RAD52: variants seen among roughly 807,000 people sequenced by gnomAD.
RAD52 encodes the protein RAD52 DNA repair protein.
A neutral mutation model predicts 55.5 loss-of-function variants in RAD52; 47 were observed. The observed-to-expected ratio is 0.85, with a 90% CI of 0.67 to 1.08. The LOEUF (loss-of-function observed/expected upper bound fraction) is 1.08. RAD52 is among the 50% of genes least tolerant of loss of function. The probability of loss-of-function intolerance (pLI) is 0.00; values close to 1 mark genes in which losing one functional copy is unlikely to be tolerated. For synonymous variants in RAD52, 184 were observed against 198.9 expected, an observed-to-expected ratio of 0.92 and a Z score of 0.63; for missense variants, 468 against 522.8, an observed-to-expected ratio of 0.90 and a Z score of 1.02.
intron 3 of RAD52, among the ~76,000 whole-genome samples, chr12:930,361 A>G (rs1346459698): frequency 6.6e-6 from 1 of 152,040 alleles, no homozygotes; most frequent in Non-Finnish European, 1.5e-5. Flanking sequence ...CCTAAGTGAC[A>G]GAGTGAGAAC....
At position 914,489 on chromosome 12, in the gene RAD52, A is replaced by G. The variant is rs2154107690; in HGVS notation, c.909T>C (p.Thr303=). ...CTTTCTCCAGGAGTGGTTCTGAGACAGTTACAGGAGTGCTGTGCGTCACAG... is the reference window on the plus strand; with the variant it reads ...CTTTCTCCAGGAGTGGTTCTGAGACGGTTACAGGAGTGCTGTGCGTCACAG... The part of the protein sequence containing the change: ...APPVTHSTPV[T]VSEPLLEKDF... The change falls in exon 10 of 12, where the codon ACT becomes ACC. Residue 303 remains threonine (T), a synonymous_variant. Transcript: ENST00000358495. The G allele has an allele frequency of 6.2e-7, 1 of 1,613,604 alleles. No individual in the cohort carries two copies. The highest frequency in any genetic ancestry group is 8.5e-7 in the Non-Finnish European group (1 of 1,179,776).
intron 1 of RAD52, among the ~76,000 whole-genome samples, chr12:969,701 G>A (rs937367124): frequency 2.0e-5 from 3 of 151,722 alleles, no homozygotes; most frequent in Admixed American, 6.6e-5. Context: ...TGAGGTGGGA[G>A]GATATCTTGA....
chr12:916,345 C>CT lies in RAD52; in HGVS notation c.863dup (p.Ala289GlyfsTer38). 1 of 1,605,542 alleles carries CT rather than the reference C, an allele frequency of 6.2e-7. No individual in the cohort carries two copies. Among genetic ancestry groups the CT allele is most frequent in the Non-Finnish European group, 8.5e-7 (1 of 1,179,924 alleles). ...GCCCTGCTCCCACCCCTCGCTCACC[C>CT]TCACTCTTCTCAGCTGACGGCGTGG... On this transcript the variant is annotated frameshift_variant and splice_region_variant, in exon 9 of 12. Transcript: ENST00000358495. LOFTEE classifies it high-confidence loss of function.
intron 1 of RAD52, among the ~76,000 whole-genome samples, chr12:945,579 A>G (rs570575227): frequency 3.3e-5 from 5 of 151,078 alleles, no homozygotes; most frequent in African/African-American, 7.3e-5. Flanking sequence ...AACTACAGGC[A>G]TGCGCGACCA....
chr12:962,710 C>T (rs1259493240), intron 1 of RAD52, among the ~76,000 whole-genome samples: 7 of 150,902 alleles, frequency 4.6e-5, no homozygotes, highest in African/African-American at 1.7e-4. Context: ...ATTTATTTAT[C>T]TATCTATTTA....
chr12:930,919 A>ATGAC (rs1957292104), intron 3 of RAD52, among the ~76,000 whole-genome samples: 2 of 152,060 alleles, frequency 1.3e-5, no homozygotes, highest in African/African-American at 4.8e-5. Context: ...GTGAGCTGAG[A>ATGAC]TGACACCACT....
chr12:961,309 CAAAA>C (rs60547688), intron 1 of RAD52, among the ~76,000 whole-genome samples: 521 of 33,816 alleles, frequency 0.015, 3 homozygotes, highest in African/African-American at 0.048. Context: ...GACTCCATCT[CAAAA>C]AAAAAAAAAA....
chr12:914,779 A>G (rs1437435187), intron 9 of RAD52, among the ~76,000 whole-genome samples: 3 of 152,198 alleles, frequency 2.0e-5, no homozygotes, highest in African/African-American at 7.2e-5. Flanking sequence ...CTTTCACAGC[A>G]AAAGTAAAAG....
chr12:985,670 T>A (rs1959076170), intron 1 of RAD52, among the ~76,000 whole-genome samples: 1 of 152,190 alleles, frequency 6.6e-6, no homozygotes. Context: ...ACCACTTTTT[T>A]TAAAAAACAT....
intron 7 of RAD52, among the ~76,000 whole-genome samples, chr12:924,172 G>A (rs1956896550): frequency 6.6e-6 from 1 of 152,162 alleles, no homozygotes. Context: ...CACTTTGGGA[G>A]GCCGAGGCAG....
intron 1 of RAD52, chr12:975,504 A>C (rs1405193484): frequency 7.9e-5 from 12 of 152,354 alleles, no homozygotes; most frequent in African/African-American, 2.6e-4. Flanking sequence ...TTATGCAAAT[A>C]AAACAGGTAA....
chr12:961,371 G>T (rs1236542571), intron 1 of RAD52, among the ~76,000 whole-genome samples: 2 of 145,312 alleles, frequency 1.4e-5, no homozygotes, highest in Non-Finnish European at 3.0e-5. Context: ...GAAGTTACTT[G>T]TTATGGGCTG....
rs867603832 is a variant in RAD52, at chr12:980,596, T to C, written c.-19+9213A>G. Reference sequence around the variant, plus strand: ...GGCATGAGCCACTGCACCCAGCCTCTTTCTTTCTTTTTTTTTTTTTTCTGA... The same window carrying C: ...GGCATGAGCCACTGCACCCAGCCTCCTTCTTTCTTTTTTTTTTTTTTCTGA... On this transcript the variant is annotated intron_variant, in intron 1 of 11. Coordinates refer to the RAD52 transcript ENST00000430095. 4.9e-4 allele frequency among the ~76,000 whole-genome samples: 28 copies of C among 56,604 alleles called. No homozygotes were observed. In the Middle Eastern group the frequency reaches 0.026, roughly 52 times the overall value. The allele number at this position is 56,604 out of a possible 152,430, so 37.1% of individuals were successfully genotyped here.
chr12:979,684 C>T (rs1195945601), intron 1 of RAD52, among the ~76,000 whole-genome samples: 2 of 152,164 alleles, frequency 1.3e-5, no homozygotes. Flanking sequence ...TGATCTTGGA[C>T]TTCTAGCCTC....
intron 1 of RAD52, among the ~76,000 whole-genome samples, chr12:936,518 C>T (rs1957641367): frequency 6.7e-6 from 1 of 148,816 alleles, no homozygotes; most frequent in Non-Finnish European, 1.5e-5. Context: ...TAAGAGACAG[C>T]GTCTTGCTCT....
upstream of RAD52, among the ~76,000 whole-genome samples, chr12:954,370 G>A (rs111833981): frequency 1.1e-4 from 16 of 152,260 alleles, no homozygotes; most frequent in African/African-American, 2.9e-4. Flanking sequence ...GGTGGCTCAC[G>A]CCTGTAATCC....
At chr12:954,359 C>T (rs10849604), upstream of RAD52, among the ~76,000 whole-genome samples, 115,062 of 152,124 alleles carry the variant, frequency 0.76, 43,933 homozygotes, top group South Asian at 0.84. Flanking sequence ...AGGCTGGGCG[C>T]GGTGGCTCAC....
rs11571470 is a variant in RAD52, at chr12:914,931, G to A, written c.866-399C>T. On this transcript the variant is annotated intron_variant, in intron 9 of 11. Transcript: ENST00000358495. Reference sequence around the variant, plus strand: ...CCAGCACTTTGGGAGGCCAAGGTGGGAGGATCGCTTGAAACCAGGAATTCG... The same window carrying A: ...CCAGCACTTTGGGAGGCCAAGGTGGAAGGATCGCTTGAAACCAGGAATTCG... 7.1e-3 allele frequency among the ~76,000 whole-genome samples: 1,079 copies of A among 152,312 alleles called. 10 individuals are homozygous for A. The highest frequency in any genetic ancestry group is 0.025 in the African/African-American group (1,027 of 41,570).
At chr12:978,976 TA>T (rs1053414837) in intron 1 of RAD52, among the ~76,000 whole-genome samples, 1 of 151,104 alleles carries the variant, frequency 6.6e-6, no homozygotes, top group African/African-American at 2.4e-5. Flanking sequence ...TGTAAAACTT[TA>T]AAAAAAAAGG....
Sources: gnomAD v4.1 joint callset for allele counts (sites outside exome capture counted in the v4.1 genomes callset) on GRCh38, gnomAD v4.1.1 for gene constraint, MANE v1.5 for transcripts, NCBI Gene and HGNC (gene_info 2026-07-23, HGNC 2026-07-21) for gene names.